CYB5R4: variants seen among roughly 807,000 people sequenced by gnomAD.
CYB5R4 encodes the protein cytochrome b5 reductase 4, also known as N-terminal cytochrome b5 and cytochrome b5 oxidoreductase domain-containing protein.
CYB5R4 carries 55 observed loss-of-function variants against 70.2 expected under a neutral mutation model. The ratio of observed to expected loss-of-function variants is 0.78; its 90% CI spans 0.63 to 0.98. The LOEUF (loss-of-function observed/expected upper bound fraction) is 0.98, where lower values mean the gene tolerates loss of function less well. Ranked by LOEUF, CYB5R4 falls within the 50% of genes least tolerant of loss-of-function variation. The probability of loss-of-function intolerance (pLI) is 0.00; values close to 1 mark genes in which losing one functional copy is unlikely to be tolerated. For synonymous variants in CYB5R4, 197 were observed against 199.5 expected (o/e 0.99, Z 0.11); for missense variants, 562 against 612.6 (o/e 0.92, Z 0.87).
chr6:83,937,944 C>T (rs1265983304), intron 12 of CYB5R4, among the ~76,000 whole-genome samples: 3 of 152,138 alleles, frequency 2.0e-5, no homozygotes, highest in Admixed American at 2.0e-4. Flanking sequence ...TCACTTTTTA[C>T]CTAATAGCAA....
intron 2 of CYB5R4, among the ~76,000 whole-genome samples, chr6:83,873,265 G>T: frequency 7.4e-6 from 1 of 135,582 alleles, no homozygotes. Flanking sequence ...TTTTTGACAG[G>T]GTCTCACTCT....
intron 10 of CYB5R4, among the ~76,000 whole-genome samples, chr6:83,924,963 A>G (rs1473388940): frequency 1.3e-5 from 2 of 152,180 alleles, no homozygotes; most frequent in East Asian, 3.9e-4. Flanking sequence ...AATGAGGAAG[A>G]CATGTTTACT....
rs1359456646 is a variant in CYB5R4, at chr6:83,962,502, A to T, written c.*2624A>T. 1 of 152,220 alleles carries T rather than the reference A, an allele frequency of 6.6e-6. No individual in the cohort carries two copies. The highest frequency in any genetic ancestry group is 1.5e-5 in the Non-Finnish European group (1 of 68,034). The allele number at this position is 152,220 out of a possible 1,614,324, so 9.4% of individuals were successfully genotyped here. ...GCAAATTCTGCTTTTTTTAAAAAAA[A>T]GTTTATTAATTTTCTATTGCTGCTA... On this transcript the variant is annotated 3_prime_UTR_variant, in exon 16 of 16. Coordinates refer to ENST00000369681, the MANE Select transcript of CYB5R4 (RefSeq NM_016230.4).
At chr6:83,864,082 T>C in intron 1 of CYB5R4, 93 bp from the exon 2 acceptor site, 2 of 1,145,206 alleles carry the variant, frequency 1.7e-6, no homozygotes, top group Non-Finnish European at 2.4e-6. Context: ...TGTAAAAGGA[T>C]TTATAGAAGT....
In CYB5R4 at chr6:83,864,242, C is replaced by T. The variant is rs140006808; in HGVS notation, c.143C>T (p.Thr48Met). 3.6e-5 allele frequency: 58 copies of T among 1,612,800 alleles called. 1 individual carries two copies. The South Asian group carries it at 5.2e-4, about 14-fold the overall frequency. The change falls in exon 2 of 16, where the codon ACG becomes ATG. Residue 48 changes from threonine (T) to methionine (M), a missense_variant. Coordinates refer to ENST00000369681, the MANE Select transcript of CYB5R4 (RefSeq NM_016230.4). ...IRLTKSGKDL[T>M]GLKGRLIEVT... Reference sequence around the variant, plus strand: ...CTGACCAAAAGTGGAAAGGATCTAACGGGATTAAAAGGCAGGTTAATTGAA... The same window carrying T: ...CTGACCAAAAGTGGAAAGGATCTAATGGGATTAAAAGGCAGGTTAATTGAA...
chr6:83,896,836 A>G (rs9353151), intron 3 of CYB5R4, among the ~76,000 whole-genome samples: 32,502 of 151,978 alleles, frequency 0.21, 5,772 homozygotes, highest in African/African-American at 0.48. Flanking sequence ...TTAGTTTTTT[A>G]AGAAATCTCC....
chr6:83,959,802 G>A, intron 15 of CYB5R4, 22 bp from the exon 16 acceptor site: 1 of 1,586,304 alleles, frequency 6.3e-7, no homozygotes, highest in South Asian at 1.2e-5. Flanking sequence ...TAAGAAACAT[G>A]TGCTTTTTAT....
chr6:83,871,460 C>T (rs2099457623), intron 2 of CYB5R4, among the ~76,000 whole-genome samples: 1 of 152,088 alleles, frequency 6.6e-6, no homozygotes, highest in Admixed American at 6.6e-5. Context: ...TCTTTTCCTT[C>T]TCCTCCTTTT....
At chr6:83,897,829 C>T (rs1311896586) in intron 3 of CYB5R4, among the ~76,000 whole-genome samples, 1 of 151,912 alleles carries the variant, frequency 6.6e-6, no homozygotes, top group Non-Finnish European at 1.5e-5. Flanking sequence ...AAATTTTCTC[C>T]CATTCTGTAG....
chr6:83,909,379 T>C (rs2099464317), intron 4 of CYB5R4, among the ~76,000 whole-genome samples: 1 of 152,208 alleles, frequency 6.6e-6, no homozygotes, highest in African/African-American at 2.4e-5. Flanking sequence ...AATAATATAG[T>C]CACATGATTC....
Position 83,914,452 on chromosome 6 carries a change from A to T in CYB5R4, c.445+4A>T. 6.6e-7 allele frequency: 1 copy of T among 1,517,228 alleles called. No homozygotes were observed. Among genetic ancestry groups the T allele is most frequent in the South Asian group, 1.2e-5 (1 of 84,966 alleles). The allele number at this position is 1,517,228 out of a possible 1,614,324, so 94.0% of individuals were successfully genotyped here. On this transcript the variant is annotated splice_donor_region_variant and intron_variant, in intron 5 of 15. Transcript: ENST00000369681. ...GAGGAAAAGAAAGTCTTAAATGGTA[A>T]GTCTATAAATTTATAATAAATGAAT...
At chr6:83,877,833 A>G (rs375232808) in intron 2 of CYB5R4, among the ~76,000 whole-genome samples, 4 of 152,274 alleles carry the variant, frequency 2.6e-5, no homozygotes, top group East Asian at 3.9e-4. Context: ...CAGTTTGACT[A>G]TGATATGGTT....
chr6:83,894,141 T>G (rs931808187), intron 3 of CYB5R4, among the ~76,000 whole-genome samples: 1 of 152,202 alleles, frequency 6.6e-6, no homozygotes, highest in African/African-American at 2.4e-5. Flanking sequence ...ATGGCAGAGA[T>G]TCTGTATAGG....
chr6:83,949,744 A>G (rs1396315728), intron 14 of CYB5R4, among the ~76,000 whole-genome samples: 1 of 152,182 alleles, frequency 6.6e-6, no homozygotes, highest in African/African-American at 2.4e-5. Context: ...TCATTAGCAA[A>G]TGGAATTCTT....
intron 1 of CYB5R4, 87 bp downstream of exon 1, chr6:83,859,944 C>A: frequency 1.6e-6 from 2 of 1,245,016 alleles, no homozygotes; most frequent in East Asian, 2.5e-5. Context: ...ACTCCCAGCT[C>A]CTGCACCCCT....
rs2099473375 is a variant in CYB5R4, at chr6:83,961,719, T to A, written c.*1841T>A. Reference sequence around the variant, plus strand: ...TAAAAAGAGACTATTTACCACTTTTTTTTAGTTCATTTGCGATGTATCAAA... The same window carrying A: ...TAAAAAGAGACTATTTACCACTTTTATTTAGTTCATTTGCGATGTATCAAA... On this transcript the variant is annotated 3_prime_UTR_variant, in exon 16 of 16. Transcript: ENST00000369681. 6.6e-6 allele frequency: 1 copy of A among 152,118 alleles called. No individual in the cohort carries two copies. The highest frequency in any genetic ancestry group is 1.5e-5 in the Non-Finnish European group (1 of 68,012). The allele number at this position is 152,118 out of a possible 1,614,324, so 9.4% of individuals were successfully genotyped here.
At chr6:83,892,279 GT>G (rs1280711179) in intron 2 of CYB5R4, among the ~76,000 whole-genome samples, 22 of 152,044 alleles carry the variant, frequency 1.4e-4, no homozygotes, top group Non-Finnish European at 2.5e-4. Flanking sequence ...TATATAGCTG[GT>G]CAAAAAACTG....
intron 10 of CYB5R4, among the ~76,000 whole-genome samples, chr6:83,926,863 T>C (rs991681637): frequency 3.3e-5 from 5 of 152,220 alleles, no homozygotes; most frequent in Non-Finnish European, 5.9e-5. Flanking sequence ...AAAGTAATTT[T>C]AATTCTACCT....
chr6:83,947,388 C>G (rs1303363791), intron 14 of CYB5R4, among the ~76,000 whole-genome samples: 1 of 152,094 alleles, frequency 6.6e-6, no homozygotes, highest in Non-Finnish European at 1.5e-5. Context: ...TTCCTTACAC[C>G]TTATGCAAAA....
Sources: allele counts gnomAD v4.1 joint callset (sites outside exome capture counted in the v4.1 genomes callset), GRCh38; gene constraint gnomAD v4.1.1; transcripts MANE v1.5; gene names NCBI Gene and HGNC (gene_info 2026-07-23, HGNC 2026-07-21).